Variants in AKAP13 observed in about 807,000 individuals in gnomAD.
AKAP13 encodes A-kinase anchor protein 13.
Under a neutral mutation model 264.5 loss-of-function variants are expected in AKAP13, and 80 were observed. The ratio of observed to expected loss-of-function variants is 0.30; its 90% CI spans 0.25 to 0.36. The LOEUF (loss-of-function observed/expected upper bound fraction) is 0.36, where lower values mean the gene tolerates loss of function less well. Among genes scored for constraint, AKAP13 ranks in the 10% least tolerant of loss-of-function variants. The pLI is 1.00. For synonymous variants in AKAP13, 1,380 were observed against 1,250.2 expected, an observed-to-expected ratio of 1.10 and a Z score of -2.19; for missense variants, 3,712 against 3,435.2, an observed-to-expected ratio of 1.08 and a Z score of -2.01.
At chr15:85,442,514 A>ATATTATAT (rs1306232989) in intron 1 of AKAP13, among the ~76,000 whole-genome samples, 74 of 111,448 alleles carry the variant, frequency 6.6e-4, no homozygotes, top group Non-Finnish European at 1.2e-3. Flanking sequence ...TATATATAAT[A>ATATTATAT]TATATTATAT....
In AKAP13 at chr15:85,684,863, A is replaced by G. The variant is rs1193800373; in HGVS notation, c.5279A>G (p.Lys1760Arg). 6.2e-7 allele frequency: 1 copy of G among 1,613,858 alleles called. No homozygotes were observed. Residue 1760 changes from lysine (K) to arginine (R), a missense_variant, in exon 16 of 37, where the codon AAG (lysine) becomes AGG (arginine). Lys to Arg is a conservative substitution (Grantham distance 26, BLOSUM62 2). Around this residue, in one of 3 missense-constraint regions of AKAP13, gnomAD observed 2,759 missense variants for 2,411.7 expected, o/e 1.14. Coordinates refer to ENST00000394518, the MANE Select transcript of AKAP13 (RefSeq NM_007200.5). The stretch of plus-strand genomic sequence containing the variant: ...ATCAAGAATAAAATGTCTAGCAGCA[A>G]GAAGAGCAAAGTGAGTATCACTGTG... The part of the protein sequence containing the change: ...SYIKNKMSSS[K>R]KSKEKEKEKD...
At chr15:85,427,250 C>T (rs8041535) in intron 1 of AKAP13, among the ~76,000 whole-genome samples, 6,409 of 152,178 alleles carry the variant, frequency 0.042, 158 homozygotes, top group South Asian at 0.073. Flanking sequence ...CCACCGCGCC[C>T]GGCCTTAGTA....
chr15:85,408,080 T>C (rs959738645), intron 1 of AKAP13, among the ~76,000 whole-genome samples: 3 of 151,618 alleles, frequency 2.0e-5, no homozygotes, highest in African/African-American at 7.3e-5. Context: ...GCTGGGTGAA[T>C]GAGAGTGCAC....
intron 2 of AKAP13, among the ~76,000 whole-genome samples, chr15:85,514,383 C>T (rs146947764): frequency 2.9e-5 from 4 of 138,018 alleles, no homozygotes; most frequent in Non-Finnish European, 6.2e-5. Flanking sequence ...CAGAGGAAGC[C>T]ACTTGAGTCT....
At chr15:85,701,922 T>C (rs10438405) in intron 17 of AKAP13, among the ~76,000 whole-genome samples, 36,259 of 151,938 alleles carry the variant, frequency 0.24, 4,411 homozygotes, top group East Asian at 0.35. Context: ...AAGGTTTATG[T>C]AAGACAGTCT....
At chr15:85,408,220 T>G (rs1667388223) in intron 1 of AKAP13, among the ~76,000 whole-genome samples, 1 of 151,738 alleles carries the variant, frequency 6.6e-6, no homozygotes, top group African/African-American at 2.4e-5. Context: ...TAGAGTCCAT[T>G]TATTCATCTA....
chr15:85,541,414 G>A (rs1025464610), intron 4 of AKAP13, among the ~76,000 whole-genome samples: 1 of 152,196 alleles, frequency 6.6e-6, no homozygotes, highest in Admixed American at 6.5e-5. Flanking sequence ...GCTATTTGCT[G>A]TGTGATTCTT....
At chr15:85,594,915 T>C (rs1410785078) in intron 8 of AKAP13, among the ~76,000 whole-genome samples, 6 of 152,054 alleles carry the variant, frequency 3.9e-5, no homozygotes, top group Admixed American at 3.9e-4. Context: ...ATATATGGAG[T>C]TGTCTACTTT....
chr15:85,489,851 T>C (rs2075674698), intron 2 of AKAP13, among the ~76,000 whole-genome samples: 1 of 152,212 alleles, frequency 6.6e-6, no homozygotes, highest in Non-Finnish European at 1.5e-5. Context: ...TTAAGCTCTT[T>C]TAATGAATTA....
At chr15:85,680,352 A>T (rs2084517426) in intron 14 of AKAP13, among the ~76,000 whole-genome samples, 1 of 152,110 alleles carries the variant, frequency 6.6e-6, no homozygotes, top group African/African-American at 2.4e-5. Flanking sequence ...TAAAATGCTG[A>T]TATTTTACAC....
intron 2 of AKAP13, among the ~76,000 whole-genome samples, chr15:85,507,383 C>CAAAAAAA (rs35886054): frequency 7.3e-6 from 1 of 137,696 alleles, no homozygotes; most frequent in African/African-American, 2.7e-5. Context: ...TTTGTGCTAC[C>CAAAAAAA]AAAAAAAAAA....
At chr15:85,707,882 T>G in intron 17 of AKAP13, 137 bp from the exon 18 acceptor site, 1 of 740,332 alleles carries the variant, frequency 1.4e-6, no homozygotes, top group Non-Finnish European at 2.3e-6. Context: ...AGGACTGCAG[T>G]GTGTAATTTC....
At chr15:85,500,861 G>C (rs940980258) in intron 2 of AKAP13, among the ~76,000 whole-genome samples, 1 of 152,190 alleles carries the variant, frequency 6.6e-6, no homozygotes, top group Non-Finnish European at 1.5e-5. Flanking sequence ...CTCTGTGTCT[G>C]GATTAACTGT....
At chr15:85,740,608 A>G (rs758592717) in intron 34 of AKAP13, 1 of 351,446 alleles carries the variant, frequency 2.8e-6, no homozygotes, top group Admixed American at 4.3e-5. Context: ...GTATTTGAAT[A>G]GAGTGGCCTT....
At chr15:85,575,056 A>C (rs2078961026) in intron 5 of AKAP13, 75 bp from the exon 6 acceptor site, 1 of 1,435,934 alleles carries the variant, frequency 7.0e-7, no homozygotes. Flanking sequence ...AGAAATACGA[A>C]GTAAGACTTA....
chr15:85,499,105 T>C (rs1423799429), intron 2 of AKAP13, among the ~76,000 whole-genome samples: 1 of 152,208 alleles, frequency 6.6e-6, no homozygotes, highest in Non-Finnish European at 1.5e-5. Flanking sequence ...AAGTAAGATA[T>C]TATTTCAGAA....
chr15:85,638,984 C>T (rs1206794617), intron 8 of AKAP13, among the ~76,000 whole-genome samples: 1 of 152,178 alleles, frequency 6.6e-6, no homozygotes, highest in Non-Finnish European at 1.5e-5. Context: ...GTCTTGAACT[C>T]CTGGCCTCAA....
At chr15:85,592,288 A>G (rs563126952) in intron 8 of AKAP13, among the ~76,000 whole-genome samples, 10 of 152,194 alleles carry the variant, frequency 6.6e-5, no homozygotes, top group African/African-American at 1.9e-4. Context: ...TTCCATCCCT[A>G]GTCTAGGAAT....
intron 5 of AKAP13, among the ~76,000 whole-genome samples, chr15:85,573,735 C>T (rs567351777): frequency 6.6e-6 from 1 of 152,016 alleles, no homozygotes; most frequent in South Asian, 2.1e-4. Flanking sequence ...GGAGTGTTTT[C>T]ATTATGTTTA....
Sources: allele counts gnomAD v4.1 joint callset (sites outside exome capture counted in the v4.1 genomes callset), GRCh38; gene constraint gnomAD v4.1.1; regional missense constraint gnomAD v4.1.1; transcripts MANE v1.5; gene names NCBI Gene and HGNC (gene_info 2026-07-23, HGNC 2026-07-21).